The following DERA variants were observed in gnomAD, a reference collection of about 807,000 sequenced individuals.
DERA encodes the protein 2-deoxy-D-ribose 5-phosphate aldolase.
DERA carries 15 observed loss-of-function variants against 41.1 expected under a neutral mutation model. That is an observed-to-expected ratio of 0.37 (90% CI 0.24 to 0.56). The LOEUF (loss-of-function observed/expected upper bound fraction) is 0.56. Among genes scored for constraint, DERA ranks in the 20% least tolerant of loss-of-function variants. The pLI, the probability that DERA is intolerant of heterozygous loss-of-function variation, is 0.81. For missense variants in DERA, 396 were observed against 403.4 expected, an observed-to-expected ratio of 0.98 and a Z score of 0.16; for synonymous variants, 139 against 137.4, an observed-to-expected ratio of 1.01 and a Z score of -0.08.
intron 6 of DERA, among the ~76,000 whole-genome samples, chr12:16,005,406 G>T (rs1948902326): frequency 6.6e-6 from 1 of 152,106 alleles, no homozygotes; most frequent in African/African-American, 2.4e-5. Flanking sequence ...AGCTATGATT[G>T]CACCACTGGT....
rs1229603236 is a variant in DERA at position 15,999,703 on chromosome 12, A to C, written c.637+17267A>C. ...GTTTAAGGCCATGCTAAGGAATTGA[A>C]GTTTCGTGTTTGGGGGTACAGGAAA... On this transcript the variant is annotated intron_variant, in intron 6 of 8. Coordinates refer to ENST00000428559, the MANE Select transcript of DERA (RefSeq NM_015954.4). The surrounding 1 kb of genome is among the most constrained non-coding windows in gnomAD (Gnocchi z 5.3). Among the ~76,000 whole-genome samples the C allele has an allele frequency of 1.3e-5, 2 of 152,152 alleles. No individual in the cohort carries two copies. Among genetic ancestry groups the C allele is most frequent in the African/African-American group, 4.8e-5 (2 of 41,424 alleles).
At position 15,957,515 on chromosome 12, in the gene DERA, C is replaced by T. The variant is rs557612592; in HGVS notation, c.129+482C>T. 2.6e-5 allele frequency among the ~76,000 whole-genome samples: 4 copies of T among 152,262 alleles called. No individual in the cohort carries two copies. Among genetic ancestry groups the T allele is most frequent in the South Asian group, 4.1e-4 (2 of 4,820 alleles). ...AAAATGATGTTTCGTAGAGTACTTG[C>T]GGTCAGCATTTTCTTCAGTGTATCC... On this transcript the variant is annotated intron_variant, in intron 2 of 8. Transcript: ENST00000428559. This position sits in a 1 kb window ranked among gnomAD's most constrained non-coding sequence, Gnocchi z 4.8.
rs975071218 is a variant in DERA, at chr12:15,957,896, T to A, written c.130-292T>A. On this transcript the variant is annotated intron_variant, in intron 2 of 8. Transcript: ENST00000428559. The surrounding 1 kb of genome is among the most constrained non-coding windows in gnomAD (Gnocchi z 4.8). Reference sequence around the variant, plus strand: ...GGCTCTCCCTTTGGCTGAGATGGAGTAGTCAGAAGTGGGGAGACATGGGCT... The same window carrying A: ...GGCTCTCCCTTTGGCTGAGATGGAGAAGTCAGAAGTGGGGAGACATGGGCT... Among the ~76,000 whole-genome samples the A allele has an allele frequency of 3.9e-5, 6 of 152,092 alleles. No homozygotes were observed. Among genetic ancestry groups the A allele is most frequent in the Non-Finnish European group, 7.4e-5 (5 of 68,026 alleles).
chr12:15,986,153 CT>C (rs1948762865), intron 6 of DERA, among the ~76,000 whole-genome samples: 1 of 152,160 alleles, frequency 6.6e-6, no homozygotes, highest in Non-Finnish European at 1.5e-5. Flanking sequence ...TGATGTTCAT[CT>C]GGCCACACCA....
rs111441936 is a variant in DERA at position 15,953,729 on chromosome 12, C to A, written c.32-3207C>A. ...AATCACTTCTCCTGGAAAGGAGACG[C>A]TAAAGGGTACTTGAATAAAATATTA... On this transcript the variant is annotated intron_variant, in intron 1 of 8. Coordinates refer to ENST00000428559, the MANE Select transcript of DERA (RefSeq NM_015954.4). 2.0e-3 allele frequency among the ~76,000 whole-genome samples: 301 copies of A among 152,230 alleles called. 2 individuals carry two copies. The highest frequency in any genetic ancestry group is 6.9e-3 in the African/African-American group (288 of 41,534).
Position 15,911,357 on chromosome 12 carries a change from GCCGGCAGCT to G in DERA, c.-22_-14del, listed in dbSNP as rs753081312. ...GCGGCGCAGAGGCGGGCGCCTACCA[GCCGGCAGCT>G]CCGGAGCTGCCCGCGCCATGTCCGC... is the stretch of plus-strand genomic sequence containing the variant. On this transcript the variant is annotated 5_prime_UTR_variant, in exon 1 of 9. Coordinates refer to ENST00000428559, the MANE Select transcript of DERA (RefSeq NM_015954.4). The surrounding 1 kb of genome is among the most constrained non-coding windows in gnomAD (Gnocchi z 4.5). 2 of 1,426,552 alleles carry G rather than the reference GCCGGCAGCT, an allele frequency of 1.4e-6. No homozygotes were observed. Among genetic ancestry groups the G allele is most frequent in the South Asian group, 2.9e-5 (2 of 67,834 alleles). The allele number at this position is 1,426,552 out of a possible 1,614,324, so 88.4% of individuals were successfully genotyped here. A position where few individuals can be genotyped will look rare whatever the true frequency, so the allele number is the denominator to read the frequency against.
intron 5 of DERA, among the ~76,000 whole-genome samples, chr12:15,978,045 C>G (rs1948710298): frequency 6.6e-6 from 1 of 152,212 alleles, no homozygotes. Flanking sequence ...AGGGGAAAAC[C>G]TGCTCATTCG....
chr12:15,962,959 C>T lies in DERA; in HGVS notation c.508+12C>T. ...AGGCCAGTGGGAAGGTAGGTGCATG[C>T]TTTTACCTAAGAGAGTTTCACCATT... is the stretch of plus-strand genomic sequence containing the variant. On this transcript the variant is annotated intron_variant, in intron 5 of 8. Coordinates refer to ENST00000428559, the MANE Select transcript of DERA (RefSeq NM_015954.4). 1 of 1,602,724 alleles carries T rather than the reference C, an allele frequency of 6.2e-7. No homozygotes were observed. Among genetic ancestry groups the T allele is most frequent in the Non-Finnish European group, 8.5e-7 (1 of 1,174,440 alleles).
Position 15,936,912 on chromosome 12 carries a change from T to C in DERA, c.32-20024T>C, listed in dbSNP as rs540437634. On this transcript the variant is annotated intron_variant, in intron 1 of 8. Transcript: ENST00000428559. This position sits in a 1 kb window ranked among gnomAD's most constrained non-coding sequence, Gnocchi z 4.6. ...TGTCCTGTCCTGTCCTGTCCTGTCC[T>C]GTCCTGTCCTGTCCTGTCCTGTCTT... 0.2 allele frequency among the ~76,000 whole-genome samples: 28,542 copies of C among 140,480 alleles called. 3,105 individuals carry two copies. The highest frequency in any genetic ancestry group is 0.31 in the Admixed American group (4,490 of 14,510). The allele number at this position is 140,480 out of a possible 152,430, so 92.2% of individuals were successfully genotyped here.
rs552990166 is a variant in DERA, at chr12:15,972,886, G to A, written c.509-9422G>A. Among the ~76,000 whole-genome samples, 220 of 152,302 alleles carry A rather than the reference G, an allele frequency of 1.4e-3. No individual in the cohort carries two copies. Among genetic ancestry groups the A allele is most frequent in the African/African-American group, 5.1e-3 (212 of 41,566 alleles). On this transcript the variant is annotated intron_variant, in intron 5 of 8. Transcript: ENST00000428559. The surrounding 1 kb of genome is among the most constrained non-coding windows in gnomAD (Gnocchi z 4.4). Reference sequence around the variant, plus strand: ...GCTATCGATGCAAGTTCCTGCTGGCGTGCGGGGACAGCATTGCAGAAGGTA... The same window carrying A: ...GCTATCGATGCAAGTTCCTGCTGGCATGCGGGGACAGCATTGCAGAAGGTA...
At position 15,998,531 on chromosome 12, in the gene DERA, G is replaced by C. The variant is rs1484017868; in HGVS notation, c.637+16095G>C. Among the ~76,000 whole-genome samples the C allele has an allele frequency of 6.6e-6, 1 of 151,932 alleles. No individual in the cohort carries two copies. Among genetic ancestry groups the C allele is most frequent in the Non-Finnish European group, 1.5e-5 (1 of 68,000 alleles). ...GGGGTTTCTTCATATTGGCCAGGCTGGTCTCGAACTCCTGACCTCAGGTGA... is the reference window on the plus strand; with the variant it reads ...GGGGTTTCTTCATATTGGCCAGGCTCGTCTCGAACTCCTGACCTCAGGTGA... On this transcript the variant is annotated intron_variant, in intron 6 of 8. Coordinates refer to ENST00000428559, the MANE Select transcript of DERA (RefSeq NM_015954.4). The surrounding 1 kb of genome is among the most constrained non-coding windows in gnomAD (Gnocchi z 4.8).
intron 6 of DERA, among the ~76,000 whole-genome samples, chr12:15,987,155 C>A (rs1306644128): frequency 6.7e-6 from 1 of 149,050 alleles, no homozygotes; most frequent in Non-Finnish European, 1.5e-5. Context: ...TTATCCTGAA[C>A]TTTTCTGAGC....
rs180797124 is a variant in DERA at position 16,023,644 on chromosome 12, A to T, written c.638-8898A>T. Among the ~76,000 whole-genome samples, 1,260 of 150,950 alleles carry T rather than the reference A, an allele frequency of 8.3e-3. 20 individuals are homozygous for T. Among genetic ancestry groups the T allele is most frequent in the African/African-American group, 0.03 (1,215 of 41,098 alleles). ...AGGCGCCCGCCACTACGCCCGGCTA[A>T]TTTTTTGTATTTTTAGTAGAGACGG... On this transcript the variant is annotated intron_variant, in intron 6 of 8. Coordinates refer to ENST00000428559, the MANE Select transcript of DERA (RefSeq NM_015954.4).
At chr12:15,932,140 A>G (rs1948333054) in intron 1 of DERA, among the ~76,000 whole-genome samples, 1 of 152,240 alleles carries the variant, frequency 6.6e-6, no homozygotes, top group African/African-American at 2.4e-5. Context: ...GACAATAACC[A>G]TCTTGTGATA....
intron 1 of DERA, among the ~76,000 whole-genome samples, chr12:15,944,954 C>T (rs1948436024): frequency 6.6e-6 from 1 of 152,184 alleles, no homozygotes; most frequent in African/African-American, 2.4e-5. Context: ...ATATGGCTAG[C>T]CAGTTTTGCC....
At position 16,026,348 on chromosome 12, in the gene DERA, G is replaced by A. The variant is rs1439889489; in HGVS notation, c.638-6194G>A. Among the ~76,000 whole-genome samples the A allele has an allele frequency of 1.3e-5, 2 of 151,292 alleles. No homozygotes were observed. The highest frequency in any genetic ancestry group is 1.3e-4 in the Admixed American group (2 of 15,208). On this transcript the variant is annotated intron_variant, in intron 6 of 8. Coordinates refer to ENST00000428559, the MANE Select transcript of DERA (RefSeq NM_015954.4). This position sits in a 1 kb window ranked among gnomAD's most constrained non-coding sequence, Gnocchi z 4.4. ...TAAATTACCCATATCGGAAATGAAA[G>A]AAGGGTCATCTCCTCTTCCCATGGA...
chr12:15,933,344 T>G (rs1403848635), intron 1 of DERA, among the ~76,000 whole-genome samples: 1 of 152,214 alleles, frequency 6.6e-6, no homozygotes, highest in Non-Finnish European at 1.5e-5. Context: ...AATTATCTGT[T>G]TCTGGAATTC....
rs1565589624 is a variant in DERA, at chr12:15,940,236, A to G, written c.32-16700A>G. The stretch of plus-strand genomic sequence containing the variant: ...AGATTTTTAAAATGAGTCAATATTC[A>G]AATTAACTGATTTTCTGTTTGAGGC... On this transcript the variant is annotated intron_variant, in intron 1 of 8. Transcript: ENST00000428559. The surrounding 1 kb of genome is among the most constrained non-coding windows in gnomAD (Gnocchi z 5.1). Among the ~76,000 whole-genome samples the G allele has an allele frequency of 6.6e-6, 1 of 152,206 alleles. No homozygotes were observed. Among genetic ancestry groups the G allele is most frequent in the Non-Finnish European group, 1.5e-5 (1 of 68,042 alleles).
In DERA at chr12:16,020,378, T is replaced by A. The variant is rs1949010617; in HGVS notation, c.638-12164T>A. Among the ~76,000 whole-genome samples, 1 of 152,202 alleles carries A rather than the reference T, an allele frequency of 6.6e-6. No homozygotes were observed. The highest frequency in any genetic ancestry group is 1.5e-5 in the Non-Finnish European group (1 of 68,034). ...GCACGAAAGGGGAAATCTACCCCCA[T>A]GATCCAATCTCTTCCTACCAGAGAC... is the stretch of plus-strand genomic sequence containing the variant. On this transcript the variant is annotated intron_variant, in intron 6 of 8. Coordinates refer to ENST00000428559, the MANE Select transcript of DERA (RefSeq NM_015954.4). This position sits in a 1 kb window ranked among gnomAD's most constrained non-coding sequence, Gnocchi z 5.5.
Sources: allele counts gnomAD v4.1 joint callset (sites outside exome capture counted in the v4.1 genomes callset), GRCh38; gene constraint gnomAD v4.1.1; non-coding constraint Gnocchi (gnomAD v3.1); transcripts MANE v1.5; gene names NCBI Gene and HGNC (gene_info 2026-07-23, HGNC 2026-07-21).